SERPINI1: variants seen among roughly 807,000 people sequenced by gnomAD.
SERPINI1 encodes the protein neuroserpin.
Under a neutral mutation model 41.1 loss-of-function variants are expected in SERPINI1, and 19 were observed. That is an observed-to-expected ratio of 0.46 (90% confidence interval 0.32 to 0.68). The LOEUF (loss-of-function observed/expected upper bound fraction) is 0.68. SERPINI1 is among the 30% of genes least tolerant of loss of function. The pLI, the probability that SERPINI1 is intolerant of heterozygous loss-of-function variation, is 0.03. For synonymous variants in SERPINI1, 138 were observed against 156.6 expected, an observed-to-expected ratio of 0.88 and a Z score of 0.89; for missense variants, 460 against 479.2, an observed-to-expected ratio of 0.96 and a Z score of 0.37.
intron 1 of SERPINI1, among the ~76,000 whole-genome samples, chr3:167,738,677 A>C (rs935738205): frequency 6.6e-6 from 1 of 151,854 alleles, no homozygotes; most frequent in African/African-American, 2.4e-5. Flanking sequence ...TTCAAAATCC[A>C]ATGAATACCA....
Position 167,747,638 on chromosome 3 carries a change from C to T in SERPINI1, c.-19+11815C>T, listed in dbSNP as rs113766262. ...CAGCCTGGGCGACAGAGCGAGACTA[C>T]GTCTCAAAACAACAACAACAACAAC... On this transcript the variant is annotated intron_variant, in intron 1 of 8. Coordinates refer to ENST00000446050, the MANE Select transcript of SERPINI1 (RefSeq NM_001122752.2). Among the ~76,000 whole-genome samples the T allele has an allele frequency of 7.8e-3, 1,153 of 146,920 alleles. 10 individuals carry two copies. The highest frequency in any genetic ancestry group is 0.046 in the East Asian group (239 of 5,158).
At chr3:167,788,778 T>C (rs1382926808) in intron 1 of SERPINI1, among the ~76,000 whole-genome samples, 1 of 152,240 alleles carries the variant, frequency 6.6e-6, no homozygotes, top group Non-Finnish European at 1.5e-5. Flanking sequence ...ATTATACTTG[T>C]CCTAGACCTA....
intron 5 of SERPINI1, among the ~76,000 whole-genome samples, chr3:167,805,809 A>G (rs1016584039): frequency 2.0e-5 from 3 of 152,086 alleles, no homozygotes; most frequent in African/African-American, 7.2e-5. Flanking sequence ...TCCTTTCCCC[A>G]TTGCTTGTTT....
chr3:167,788,266 C>T (rs9881917), intron 1 of SERPINI1, among the ~76,000 whole-genome samples: 68,170 of 151,966 alleles, frequency 0.45, 16,224 homozygotes, highest in African/African-American at 0.61. Flanking sequence ...TGGGCACTGA[C>T]GGTGCTTTTT....
intron 1 of SERPINI1, among the ~76,000 whole-genome samples, chr3:167,775,416 C>T (rs891538988): frequency 6.6e-5 from 10 of 151,674 alleles, no homozygotes; most frequent in Admixed American, 2.0e-4. Context: ...CCTGCCACCA[C>T]GCCCGGCTAA....
chr3:167,799,345 A>G (rs1727824611), intron 5 of SERPINI1, among the ~76,000 whole-genome samples: 2 of 152,098 alleles, frequency 1.3e-5, no homozygotes, highest in South Asian at 4.1e-4. Context: ...TTCCAGCTTC[A>G]TCCATGTCCC....
chr3:167,760,648 A>G (rs541259333), intron 1 of SERPINI1, among the ~76,000 whole-genome samples: 27 of 150,716 alleles, frequency 1.8e-4, no homozygotes, highest in Non-Finnish European at 4.4e-5. Context: ...TTTAAACGCT[A>G]TGGGTTGTTT....
intron 6 of SERPINI1, among the ~76,000 whole-genome samples, chr3:167,810,604 CT>C (rs1451341149): frequency 6.6e-6 from 1 of 152,040 alleles, no homozygotes; most frequent in Non-Finnish European, 1.5e-5. Context: ...GAGTCATAAG[CT>C]TTTTGTTGGT....
intron 1 of SERPINI1, among the ~76,000 whole-genome samples, chr3:167,756,911 C>T (rs1042849530): frequency 6.6e-6 from 1 of 152,164 alleles, no homozygotes; most frequent in African/African-American, 2.4e-5. Flanking sequence ...TGTCACAAGT[C>T]TAAGCCACCA....
At chr3:167,758,689 A>C (rs576524990) in intron 1 of SERPINI1, among the ~76,000 whole-genome samples, 26 of 152,310 alleles carry the variant, frequency 1.7e-4, no homozygotes, top group Non-Finnish European at 2.9e-5. Context: ...ATGGGATCCT[A>C]GATAAAATCC....
chr3:167,740,009 C>T (rs1458055187), intron 1 of SERPINI1, among the ~76,000 whole-genome samples: 2 of 148,622 alleles, frequency 1.3e-5, no homozygotes, highest in African/African-American at 5.0e-5. Flanking sequence ...TGATAATTAA[C>T]CTGCCTTTTT....
At chr3:167,796,067 T>A (rs1727702308) in intron 5 of SERPINI1, among the ~76,000 whole-genome samples, 1 of 152,112 alleles carries the variant, frequency 6.6e-6, no homozygotes, top group African/African-American at 2.4e-5. Flanking sequence ...AAAGATGAAT[T>A]ATTAATAACT....
At chr3:167,807,733 T>C (rs562257606) in intron 6 of SERPINI1, among the ~76,000 whole-genome samples, 243 of 152,286 alleles carry the variant, frequency 1.6e-3, no homozygotes, top group Non-Finnish European at 2.5e-3. Context: ...GAGTGACTGC[T>C]GTGAGAGCTA....
At chr3:167,813,955 T>C (rs1212323930) in intron 6 of SERPINI1, among the ~76,000 whole-genome samples, 1 of 152,190 alleles carries the variant, frequency 6.6e-6, no homozygotes, top group Non-Finnish European at 1.5e-5. Flanking sequence ...GCCTCTGCAC[T>C]AGCTTTTCCT....
chr3:167,741,006 AAGCTTACATTGTACCTGAATTATAC>A (rs765670857), intron 1 of SERPINI1, among the ~76,000 whole-genome samples: 40 of 152,224 alleles, frequency 2.6e-4, no homozygotes, highest in Non-Finnish European at 4.6e-4. Flanking sequence ...GACCTTAGTA[AAGCTTACATTGTACCTGAATTATAC>A]AGGTATTTGT....
At chr3:167,780,215 T>A (rs1391708164) in intron 1 of SERPINI1, among the ~76,000 whole-genome samples, 1 of 152,220 alleles carries the variant, frequency 6.6e-6, no homozygotes, top group Non-Finnish European at 1.5e-5. Flanking sequence ...ACTTTCATAG[T>A]GCATTTCCTG....
chr3:167,786,594 T>C (rs1577417136), intron 1 of SERPINI1, among the ~76,000 whole-genome samples: 1 of 150,866 alleles, frequency 6.6e-6, no homozygotes, highest in Non-Finnish European at 1.5e-5. Context: ...CTTGCATGGG[T>C]AGAAGTTTTC....
rs746127233 is a variant in SERPINI1 at position 167,790,525 on chromosome 3, C to T, written c.404C>T (p.Ala135Val). The change falls in exon 3 of 9, where the codon GCA becomes GTA. Residue 135 changes from alanine to valine, a missense_variant. Physicochemically the swap from Ala to Val is moderately conservative, Grantham distance 64. Coordinates refer to ENST00000446050, the MANE Select transcript of SERPINI1 (RefSeq NM_001122752.2). ...ATGATGAAAAAATATTTTAATGCAGCAGTAAATCATGTGGACTTCAGTCAA... is the reference window on the plus strand; with the variant it reads ...ATGATGAAAAAATATTTTAATGCAGTAGTAAATCATGTGGACTTCAGTCAA... ...LQMMKKYFNAAVNHVDFSQNV... is the reference protein window; with the variant it reads ...LQMMKKYFNAVVNHVDFSQNV... 3.5e-5 allele frequency: 56 copies of T among 1,613,818 alleles called. No individual in the cohort carries two copies. In the Admixed American group the frequency reaches 9.3e-4, roughly 27 times the overall value.
At chr3:167,749,836 A>AG (rs1432192160) in intron 1 of SERPINI1, among the ~76,000 whole-genome samples, 3 of 152,200 alleles carry the variant, frequency 2.0e-5, no homozygotes, top group South Asian at 4.1e-4. Context: ...AAAAGATGAG[A>AG]GGGGAAAAAA....
Sources: gnomAD v4.1 joint callset for allele counts (sites outside exome capture counted in the v4.1 genomes callset) on GRCh38, gnomAD v4.1.1 for gene constraint, MANE v1.5 for transcripts, NCBI Gene and HGNC (gene_info 2026-07-23, HGNC 2026-07-21) for gene names.